PPP1R1C: variants seen among roughly 807,000 people sequenced by gnomAD.
PPP1R1C encodes protein phosphatase 1 regulatory subunit 1C.
A neutral mutation model predicts 17.4 loss-of-function variants in PPP1R1C; 15 were observed. The observed-to-expected ratio is 0.86, with a 90% CI of 0.58 to 1.33. The LOEUF (loss-of-function observed/expected upper bound fraction) is 1.33. Ranked by LOEUF, PPP1R1C falls within the 40% of genes most tolerant of loss-of-function variation. The pLI is 0.00. For synonymous variants in PPP1R1C, 35 were observed against 43.1 expected (o/e 0.81, Z 0.73); for missense variants, 143 against 130.0 (o/e 1.10, Z -0.48).
At chr2:182,061,327 T>A (rs1202959905) in intron 2 of PPP1R1C, 115 bp from the exon 3 acceptor site, 1 of 754,574 alleles carries the variant, frequency 1.3e-6, no homozygotes, top group African/African-American at 1.9e-5. Flanking sequence ...TAAGTTGTAG[T>A]TTTTGTATAA....
At chr2:182,024,755 T>C (rs1686540949) in intron 2 of PPP1R1C, among the ~76,000 whole-genome samples, 1 of 151,890 alleles carries the variant, frequency 6.6e-6, no homozygotes, top group South Asian at 2.1e-4. Flanking sequence ...CTCAGGAGGT[T>C]GAGGCAGGAT....
At chr2:182,058,413 A>T (rs1574417666) in intron 2 of PPP1R1C, among the ~76,000 whole-genome samples, 1 of 152,068 alleles carries the variant, frequency 6.6e-6, no homozygotes, top group Non-Finnish European at 1.5e-5. Context: ...AACATGATTT[A>T]TGACTTGTGT....
intron 1 of PPP1R1C, among the ~76,000 whole-genome samples, chr2:181,965,260 T>C (rs1559039518): frequency 6.6e-6 from 1 of 152,234 alleles, no homozygotes; most frequent in Non-Finnish European, 1.5e-5. Flanking sequence ...CTTTTTACTT[T>C]GTTGATTGTT....
At chr2:182,107,557 C>T (rs1689290555) in intron 4 of PPP1R1C, among the ~76,000 whole-genome samples, 1 of 152,096 alleles carries the variant, frequency 6.6e-6, no homozygotes, top group Non-Finnish European at 1.5e-5. Context: ...TAGTGTTGGC[C>T]TACTCCTCAC....
At chr2:182,050,321 A>G (rs924491770) in intron 2 of PPP1R1C, among the ~76,000 whole-genome samples, 2 of 152,200 alleles carry the variant, frequency 1.3e-5, no homozygotes, top group Admixed American at 6.5e-5. Context: ...TTGATTTCAT[A>G]GAAGTTTATC....
intron 2 of PPP1R1C, among the ~76,000 whole-genome samples, chr2:182,047,319 A>C (rs760678255): frequency 2.0e-5 from 3 of 152,232 alleles, no homozygotes; most frequent in Non-Finnish European, 4.4e-5. Flanking sequence ...TCAAAATGAC[A>C]TAAAAATATA....
intron 4 of PPP1R1C, among the ~76,000 whole-genome samples, chr2:182,105,474 T>C (rs1167414866): frequency 7.1e-6 from 1 of 140,278 alleles, no homozygotes; most frequent in Non-Finnish European, 1.5e-5. Flanking sequence ...GTCAGATGAG[T>C]ACCACAGAAG....
At chr2:181,966,288 G>A (rs1684901774) in intron 1 of PPP1R1C, among the ~76,000 whole-genome samples, 1 of 152,094 alleles carries the variant, frequency 6.6e-6, no homozygotes, top group Non-Finnish European at 1.5e-5. Flanking sequence ...CAATTTGGAG[G>A]CACTTTATTT....
chr2:181,985,843 C>G, upstream of PPP1R1C: 1 of 504,230 alleles, frequency 2.0e-6, no homozygotes, highest in South Asian at 2.7e-5. This position sits in a 1 kb window ranked among gnomAD's most constrained non-coding sequence, Gnocchi z 4.1. Context: ...AAGAGGCACA[C>G]AATTAGCGTA....
intron 4 of PPP1R1C, among the ~76,000 whole-genome samples, chr2:182,090,105 T>G (rs527800168): frequency 6.6e-6 from 1 of 152,172 alleles, no homozygotes; most frequent in Non-Finnish European, 1.5e-5. Context: ...TAGTATACGT[T>G]CTGTACACTT....
chr2:182,081,766 A>T (rs925952876), intron 4 of PPP1R1C, among the ~76,000 whole-genome samples: 1 of 152,210 alleles, frequency 6.6e-6, no homozygotes, highest in Non-Finnish European at 1.5e-5. Context: ...GCGGTTGAAA[A>T]GCCACTTCAA....
At chr2:182,014,150 G>A (rs779952395) in intron 2 of PPP1R1C, among the ~76,000 whole-genome samples, 19 of 152,120 alleles carry the variant, frequency 1.2e-4, no homozygotes, top group South Asian at 8.3e-4. Flanking sequence ...GGTCTTTATA[G>A]TCTAACCTTG....
chr2:181,980,076 C>T (rs1192767808), intron 2 of PPP1R1C, among the ~76,000 whole-genome samples: 1 of 152,138 alleles, frequency 6.6e-6, no homozygotes, highest in Admixed American at 6.5e-5. Context: ...CTTCTCTCAA[C>T]TGTATGTTCT....
At chr2:182,116,511 T>G (rs1689586624) in intron 4 of PPP1R1C, among the ~76,000 whole-genome samples, 1 of 151,950 alleles carries the variant, frequency 6.6e-6, no homozygotes, top group Non-Finnish European at 1.5e-5. Context: ...ACAAGAAAAG[T>G]ATGAAAGCCT....
intron 2 of PPP1R1C, among the ~76,000 whole-genome samples, chr2:181,975,981 G>T (rs1308388447): frequency 6.6e-6 from 1 of 151,816 alleles, no homozygotes; most frequent in Admixed American, 6.6e-5. Context: ...ATCTTTTTCT[G>T]CATCAAAATG....
downstream of PPP1R1C, among the ~76,000 whole-genome samples, chr2:182,120,545 G>A (rs1158610262): frequency 1.3e-5 from 2 of 152,130 alleles, no homozygotes; most frequent in Non-Finnish European, 2.9e-5. Context: ...CACCTGCTAT[G>A]ACTCTTTGTT....
At chr2:181,973,275 A>C (rs544711111) in intron 1 of PPP1R1C, among the ~76,000 whole-genome samples, 161 of 152,106 alleles carry the variant, frequency 1.1e-3, no homozygotes, top group African/African-American at 3.5e-3. Flanking sequence ...CTAATCAGAA[A>C]ATTATTTTAT....
Position 182,066,962 on chromosome 2 carries a change from GTGTGTT to G in PPP1R1C, c.241+3177_241+3182del, listed in dbSNP as rs1273139386. Among the ~76,000 whole-genome samples, 382 of 71,112 alleles carry G rather than the reference GTGTGTT, an allele frequency of 5.4e-3. 3 individuals carry two copies. The highest frequency in any genetic ancestry group is 0.014 in the African/African-American group (345 of 24,830). 46.7% of individuals were successfully genotyped at this position (71,112 alleles called of 152,430 possible). ...ATTTTGTGTGTGTGTCTGTGTGTGT[GTGTGTT>G]TGTGTGTGTGTGTGTGTGTGTGTGT... On this transcript the variant is annotated intron_variant, in intron 4 of 4. Coordinates refer to ENST00000682840, the MANE Select transcript of PPP1R1C (RefSeq NM_001080545.3).
chr2:182,120,388 A>G (rs1689704710), downstream of PPP1R1C, among the ~76,000 whole-genome samples: 1 of 152,198 alleles, frequency 6.6e-6, no homozygotes, highest in South Asian at 2.1e-4. Context: ...TGAAAAGATC[A>G]ACAAAATTGA....
Sources: allele counts gnomAD v4.1 joint callset (sites outside exome capture counted in the v4.1 genomes callset), GRCh38; gene constraint gnomAD v4.1.1; non-coding constraint Gnocchi (gnomAD v3.1); transcripts MANE v1.5; gene names NCBI Gene and HGNC (gene_info 2026-07-23, HGNC 2026-07-21).